Variants in PRDM16 observed in about 807,000 individuals in gnomAD.
PRDM16 encodes the protein histone-lysine N-methyltransferase PRDM16.
PRDM16 carries 23 observed loss-of-function variants against 110.6 expected under a neutral mutation model. The observed-to-expected ratio is 0.21, with a 90% CI of 0.15 to 0.29. The LOEUF (loss-of-function observed/expected upper bound fraction) is 0.29. Among genes scored for constraint, PRDM16 ranks in the 10% least tolerant of loss-of-function variants. The pLI is 1.00. For missense variants in PRDM16, 1,615 were observed against 1,794.3 expected (o/e 0.90, Z 1.81); for synonymous variants, 799 against 781.8 (o/e 1.02, Z -0.37).
chr1:3,413,163 C>G (rs1643723753), intron 9 of PRDM16, among the ~76,000 whole-genome samples: 1 of 151,206 alleles, frequency 6.6e-6, no homozygotes, highest in South Asian at 2.1e-4. Flanking sequence ...CCCCACCCCT[C>G]TCTCCAGCTG....
intron 3 of PRDM16, among the ~76,000 whole-genome samples, chr1:3,297,280 A>ATTTTT (rs34666813): frequency 8.3e-6 from 1 of 120,986 alleles, no homozygotes; most frequent in African/African-American, 3.2e-5. Flanking sequence ...GGTGAGAGGA[A>ATTTTT]TTTTTTTTTT....
At chr1:3,204,253 C>G (rs1319236923) in intron 2 of PRDM16, among the ~76,000 whole-genome samples, 1 of 152,160 alleles carries the variant, frequency 6.6e-6, no homozygotes, top group Non-Finnish European at 1.5e-5. Flanking sequence ...GTGGGTGTGA[C>G]TTCCACAGAT....
At chr1:3,335,928 T>C (rs1642137117) in intron 3 of PRDM16, among the ~76,000 whole-genome samples, 1 of 152,182 alleles carries the variant, frequency 6.6e-6, no homozygotes, top group Non-Finnish European at 1.5e-5. Context: ...CCCTGCTCGC[T>C]CTCTCTGGTC....
chr1:3,229,624 G>A (rs1557544150), intron 2 of PRDM16, among the ~76,000 whole-genome samples: 1 of 152,176 alleles, frequency 6.6e-6, no homozygotes, highest in Non-Finnish European at 1.5e-5. Flanking sequence ...GTCCCACCCA[G>A]CCACTTGCAG....
chr1:3,349,381 G>A (rs1642432421), intron 3 of PRDM16, among the ~76,000 whole-genome samples: 1 of 152,318 alleles, frequency 6.6e-6, no homozygotes, highest in African/African-American at 2.4e-5. Flanking sequence ...GGTCATCGCC[G>A]AAGCTGCTGC....
Position 3,201,705 on chromosome 1 carries a change from C to T in PRDM16, c.387+15231C>T, listed in dbSNP as rs918716354. On this transcript the variant is annotated intron_variant, in intron 2 of 16. Transcript: ENST00000270722. The surrounding 1 kb of genome is among the most constrained non-coding windows in gnomAD (Gnocchi z 4.1). ...CAGCACCTGCAGGGCAGGACCTCCC[C>T]GCTTGGATGCTGGTGACACATTCTT... Among the ~76,000 whole-genome samples the T allele has an allele frequency of 2.7e-4, 41 of 152,236 alleles. No homozygotes were observed. Among genetic ancestry groups the T allele is most frequent in the East Asian group, 3.9e-4 (2 of 5,188 alleles).
intron 1 of PRDM16, among the ~76,000 whole-genome samples, chr1:3,136,176 G>A (rs1643434614): frequency 6.6e-6 from 1 of 152,040 alleles, no homozygotes. Flanking sequence ...CTTCGTTACA[G>A]GGGTGATGCT....
chr1:3,396,789 C>T (rs1305675552), intron 5 of PRDM16, among the ~76,000 whole-genome samples, 196 bp downstream of exon 5: 1 of 152,220 alleles, frequency 6.6e-6, no homozygotes, highest in African/African-American at 2.4e-5. Flanking sequence ...TCCACAAAGG[C>T]TCAACCTAAT....
At chr1:3,147,768 T>C (rs1182515294) in intron 1 of PRDM16, among the ~76,000 whole-genome samples, 4 of 152,046 alleles carry the variant, frequency 2.6e-5, no homozygotes, top group Admixed American at 1.3e-4. Flanking sequence ...GGTTCTTGGG[T>C]CCTCATCTGT....
intron 8 of PRDM16, among the ~76,000 whole-genome samples, chr1:3,409,610 A>T (rs892044140): frequency 2.6e-5 from 4 of 151,938 alleles, no homozygotes; most frequent in Non-Finnish European, 5.9e-5. Context: ...CGTGTTTAGG[A>T]AGCAAATTGT....
chr1:3,107,736 T>C (rs1042622608), intron 1 of PRDM16, among the ~76,000 whole-genome samples: 2 of 152,226 alleles, frequency 1.3e-5, no homozygotes, highest in African/African-American at 2.4e-5. Flanking sequence ...AGACACACAC[T>C]ATCCCTGGGA....
intron 1 of PRDM16, among the ~76,000 whole-genome samples, chr1:3,178,634 C>A (rs775138034): frequency 6.6e-6 from 1 of 152,188 alleles, no homozygotes; most frequent in Admixed American, 6.5e-5. Flanking sequence ...GCCTAGTTCC[C>A]TCTGTTAAAC....
At chr1:3,075,420 C>T (rs759833605) in intron 1 of PRDM16, among the ~76,000 whole-genome samples, 1 of 152,202 alleles carries the variant, frequency 6.6e-6, no homozygotes, top group Non-Finnish European at 1.5e-5. Flanking sequence ...GGGACAAATG[C>T]GATTGGTGTG....
At chr1:3,259,614 C>T (rs1640120067) in intron 3 of PRDM16, among the ~76,000 whole-genome samples, 1 of 152,184 alleles carries the variant, frequency 6.6e-6, no homozygotes, top group African/African-American at 2.4e-5. Context: ...AAACCCAGAC[C>T]AACTAGTGAA....
At chr1:3,192,291 C>T (rs574995100) in intron 2 of PRDM16, among the ~76,000 whole-genome samples, 6 of 152,224 alleles carry the variant, frequency 3.9e-5, no homozygotes, top group East Asian at 1.9e-4. Context: ...TTGGGGCATG[C>T]GGGTTGGGTG....
At chr1:3,238,432 G>A (rs1418208799) in intron 2 of PRDM16, among the ~76,000 whole-genome samples, 1 of 152,162 alleles carries the variant, frequency 6.6e-6, no homozygotes, top group Non-Finnish European at 1.5e-5. Flanking sequence ...TAACTGTTTA[G>A]GCATAAAAGC....
At chr1:3,242,882 G>C (rs139261022) in intron 2 of PRDM16, among the ~76,000 whole-genome samples, 1 of 152,310 alleles carries the variant, frequency 6.6e-6, no homozygotes, top group Admixed American at 6.5e-5. Context: ...ACAACGTTGC[G>C]GTTTCCGTAT....
chr1:3,219,010 G>A (rs147186449), intron 2 of PRDM16, among the ~76,000 whole-genome samples: 2,090 of 152,304 alleles, frequency 0.014, 22 homozygotes, highest in Middle Eastern at 0.054. Flanking sequence ...GGGTCCTCGC[G>A]TCCAGTGCCG....
chr1:3,217,492 T>G (rs550156542), intron 2 of PRDM16, among the ~76,000 whole-genome samples: 1 of 152,356 alleles, frequency 6.6e-6, no homozygotes, highest in East Asian at 1.9e-4. Flanking sequence ...AAACCGCTCC[T>G]TTCTGCTCCT....
Sources: gnomAD v4.1 joint callset for allele counts (sites outside exome capture counted in the v4.1 genomes callset) on GRCh38, gnomAD v4.1.1 for gene constraint, Gnocchi (gnomAD v3.1) non-coding constraint, MANE v1.5 for transcripts, NCBI Gene and HGNC (gene_info 2026-07-23, HGNC 2026-07-21) for gene names.